The following TENM3 variants were observed in gnomAD, a reference collection of about 807,000 sequenced individuals.
The protein encoded by TENM3 is teneurin transmembrane protein 3.
A neutral mutation model predicts 255.1 loss-of-function variants in TENM3; 63 were observed. The observed-to-expected ratio is 0.25, with a 90% CI of 0.20 to 0.30. TENM3 has a LOEUF of 0.30. TENM3 is among the 10% of genes least tolerant of loss of function. TENM3 has a pLI of 1.00. For missense variants in TENM3, 2,929 were observed against 3,461.1 expected, an observed-to-expected ratio of 0.85 and a Z score of 3.86; for synonymous variants, 1,306 against 1,322.3, an observed-to-expected ratio of 0.99 and a Z score of 0.27.
chr4:181,605,544 A>AG, the TENM3 span, among the ~76,000 whole-genome samples: 1 of 32,790 alleles, frequency 3.0e-5, no homozygotes, highest in African/African-American at 7.3e-5. Flanking sequence ...GAAAGAAAGA[A>AG]AGAAAGAAAG....
At chr4:181,608,987 C>G in the TENM3 span, among the ~76,000 whole-genome samples, 2 of 152,160 alleles carry the variant, frequency 1.3e-5, no homozygotes, top group Non-Finnish European at 2.9e-5. Flanking sequence ...GCAATTTTAC[C>G]TAATGGGAAG....
At position 182,704,768 on chromosome 4, in the gene TENM3, T is replaced by C. The variant is rs1461277523; in HGVS notation, c.2222-9319T>C. On this transcript the variant is annotated intron_variant, in intron 12 of 27. Transcript: ENST00000511685. ...CAAATTTTTGAAAAAGTATTGCCAA[T>C]TGTAGGGGAGCAGATCCCTTTAAAG... 2.6e-5 allele frequency among the ~76,000 whole-genome samples: 4 copies of C among 151,170 alleles called. No individual in the cohort carries two copies. The East Asian group carries it at 7.7e-4, about 29-fold the overall frequency.
chr4:181,966,938 A>G, the TENM3 span, among the ~76,000 whole-genome samples: 1 of 150,758 alleles, frequency 6.6e-6, no homozygotes. Context: ...TATGAAGACA[A>G]TCTCTCTCTT....
At chr4:182,261,587 A>G (rs1462817614) in intron 1 of TENM3, among the ~76,000 whole-genome samples, 1 of 152,242 alleles carries the variant, frequency 6.6e-6, no homozygotes, top group Non-Finnish European at 1.5e-5. Flanking sequence ...TCTATCTGAC[A>G]GAATAAGAAA....
intron 3 of TENM3, among the ~76,000 whole-genome samples, chr4:182,507,181 A>G (rs977862197): frequency 5.3e-5 from 8 of 152,218 alleles, no homozygotes; most frequent in African/African-American, 1.7e-4. Context: ...AGATGAAGTA[A>G]AAGAAGCCCG....
At chr4:181,740,854 T>C in the TENM3 span, among the ~76,000 whole-genome samples, 2 of 152,164 alleles carry the variant, frequency 1.3e-5, no homozygotes, top group Admixed American at 6.6e-5. Context: ...CTCTTTCCAC[T>C]CGGCTGTACT....
chr4:182,128,669 G>T, the TENM3 span, among the ~76,000 whole-genome samples: 1 of 152,226 alleles, frequency 6.6e-6, no homozygotes, highest in South Asian at 2.1e-4. Flanking sequence ...CACTAAGAAC[G>T]AAGTTAGTAA....
chr4:181,886,069 T>TTG, the TENM3 span, among the ~76,000 whole-genome samples: 1 of 133,734 alleles, frequency 7.5e-6, no homozygotes, highest in Non-Finnish European at 1.6e-5. Context: ...TTTTTTTTTT[T>TTG]TGAGACAGGG....
the TENM3 span, among the ~76,000 whole-genome samples, chr4:181,944,428 G>C: frequency 1.3e-5 from 2 of 152,130 alleles, no homozygotes; most frequent in Non-Finnish European, 2.9e-5. Context: ...CACCCACACT[G>C]GCGAAGGGGG....
the TENM3 span, among the ~76,000 whole-genome samples, chr4:181,737,442 C>T: frequency 6.6e-6 from 1 of 152,026 alleles, no homozygotes; most frequent in Non-Finnish European, 1.5e-5. Flanking sequence ...AGAAACAAGG[C>T]TCATAGGAAC....
chr4:182,596,663 A>G (rs1747259321), intron 3 of TENM3, among the ~76,000 whole-genome samples: 1 of 152,240 alleles, frequency 6.6e-6, no homozygotes, highest in Non-Finnish European at 1.5e-5. Context: ...AGCAAGGAAT[A>G]TGCGAAGAGG....
At chr4:182,126,915 G>A in the TENM3 span, among the ~76,000 whole-genome samples, 2 of 152,164 alleles carry the variant, frequency 1.3e-5, no homozygotes, top group East Asian at 3.9e-4. Context: ...ACTGGAGCTA[G>A]CATAGTACAT....
chr4:182,117,792 G>A, the TENM3 span, among the ~76,000 whole-genome samples: 1 of 151,876 alleles, frequency 6.6e-6, no homozygotes, highest in Non-Finnish European at 1.5e-5. Context: ...TATAAACTTT[G>A]GAATCAGTTT....
chr4:182,501,269 T>G (rs2151650371), intron 3 of TENM3, among the ~76,000 whole-genome samples: 1 of 150,842 alleles, frequency 6.6e-6, no homozygotes, highest in South Asian at 2.1e-4. Context: ...TAACATGAAA[T>G]CAATCCATAA....
At chr4:181,513,229 A>G in the TENM3 span, among the ~76,000 whole-genome samples, 1 of 152,078 alleles carries the variant, frequency 6.6e-6, no homozygotes, top group South Asian at 2.1e-4. Flanking sequence ...GAGGGCTCTC[A>G]TTGCCAAGTT....
the TENM3 span, among the ~76,000 whole-genome samples, chr4:181,740,887 T>C: frequency 3.3e-5 from 5 of 152,264 alleles, no homozygotes; most frequent in African/African-American, 1.2e-4. Context: ...CTGTTTCAAA[T>C]TGGGAAAAAT....
the TENM3 span, among the ~76,000 whole-genome samples, chr4:181,584,469 A>G: frequency 2.6e-5 from 4 of 152,318 alleles, no homozygotes; most frequent in East Asian, 7.7e-4. Context: ...TGCTTCAGCT[A>G]TATCATAACT....
At chr4:182,300,007 C>T (rs769965522) in intron 1 of TENM3, among the ~76,000 whole-genome samples, 10 of 151,854 alleles carry the variant, frequency 6.6e-5, no homozygotes, top group Non-Finnish European at 1.5e-4. Flanking sequence ...CCTCTGCCTC[C>T]TGGGTTCAAG....
chr4:181,847,828 A>G, the TENM3 span, among the ~76,000 whole-genome samples: 2 of 152,144 alleles, frequency 1.3e-5, no homozygotes, highest in African/African-American at 4.8e-5. Context: ...AAGATTATTT[A>G]TAAATAACTT....
Sources: gnomAD v4.1 joint callset for allele counts (sites outside exome capture counted in the v4.1 genomes callset) on GRCh38, gnomAD v4.1.1 for gene constraint, MANE v1.5 for transcripts, NCBI Gene and HGNC (gene_info 2026-07-23, HGNC 2026-07-21) for gene names.